The following CCDC60 variants were observed in gnomAD, a reference collection of about 807,000 sequenced individuals.
CCDC60 encodes coiled-coil domain-containing protein 60.
Under a neutral mutation model 63.5 loss-of-function variants are expected in CCDC60, and 54 were observed. That is an observed-to-expected ratio of 0.85 (90% CI 0.68 to 1.07). CCDC60 has a LOEUF of 1.07. Among genes scored for constraint, CCDC60 ranks in the 50% least tolerant of loss-of-function variants. CCDC60 has a pLI of 0.00. For missense variants in CCDC60, 651 were observed against 684.3 expected (o/e 0.95, Z 0.54); for synonymous variants, 206 against 238.8 (o/e 0.86, Z 1.27).
At chr12:119,499,440 G>A (rs1269144896) in intron 5 of CCDC60, among the ~76,000 whole-genome samples, 1 of 152,198 alleles carries the variant, frequency 6.6e-6, no homozygotes, top group Non-Finnish European at 1.5e-5. Context: ...TCGTTTCACT[G>A]TAAGTAAGTG....
chr12:119,359,839 C>G (rs981769344), intron 1 of CCDC60, among the ~76,000 whole-genome samples: 2 of 151,882 alleles, frequency 1.3e-5, no homozygotes, highest in Non-Finnish European at 2.9e-5. Flanking sequence ...TCAGAGAGCA[C>G]AGGGTTGGGG....
At chr12:119,509,135 C>T (rs1952138937) in intron 7 of CCDC60, among the ~76,000 whole-genome samples, 1 of 152,158 alleles carries the variant, frequency 6.6e-6, no homozygotes, top group African/African-American at 2.4e-5. Context: ...CTCCCTCAAA[C>T]CCTACCCTCT....
chr12:119,392,173 G>T (rs981481149), intron 1 of CCDC60, among the ~76,000 whole-genome samples: 1 of 152,104 alleles, frequency 6.6e-6, no homozygotes, highest in Non-Finnish European at 1.5e-5. Context: ...CAGTGTAGTG[G>T]TCCCAAGACC....
chr12:119,478,894 G>C (rs114200442), intron 3 of CCDC60, among the ~76,000 whole-genome samples, 200 bp from the exon 4 acceptor site: 3,380 of 151,788 alleles, frequency 0.022, 116 homozygotes, highest in African/African-American at 0.075. Flanking sequence ...CATGAGCCAC[G>C]GCACCCGACC....
intron 7 of CCDC60, among the ~76,000 whole-genome samples, chr12:119,507,065 C>A (rs1952025446): frequency 6.6e-6 from 1 of 152,102 alleles, no homozygotes; most frequent in Admixed American, 6.5e-5. Flanking sequence ...ACACTGGCGG[C>A]CAGTGTTCTC....
At chr12:119,460,491 C>G (rs377120825) in intron 2 of CCDC60, among the ~76,000 whole-genome samples, 1 of 152,128 alleles carries the variant, frequency 6.6e-6, no homozygotes, top group South Asian at 2.1e-4. Flanking sequence ...GATGATGCAC[C>G]AGTCAGCTAT....
chr12:119,540,686 C>T lies in CCDC60; in HGVS notation c.1624C>T (p.Pro542Ser). ...ISWLQSRINI[P>S]IGPYSALR ...CTGGCTGCAGAGCCGGATCAACATACCCATTGGGCCCTACAGCGCCCTGAG... is the reference window on the plus strand; with the variant it reads ...CTGGCTGCAGAGCCGGATCAACATATCCATTGGGCCCTACAGCGCCCTGAG... Residue 542 changes from proline (P) to serine (S), a missense_variant, in exon 14 of 14, where the codon CCC becomes TCC. Pro to Ser is a moderately conservative substitution (Grantham distance 74, BLOSUM62 -1). Transcript: ENST00000327554. The T allele has an allele frequency of 6.2e-7, 1 of 1,613,830 alleles. No homozygotes were observed. Among genetic ancestry groups the T allele is most frequent in the Non-Finnish European group, 8.5e-7 (1 of 1,179,926 alleles).
intron 1 of CCDC60, among the ~76,000 whole-genome samples, chr12:119,373,196 G>T (rs1265497455): frequency 6.6e-6 from 1 of 152,146 alleles, no homozygotes; most frequent in Non-Finnish European, 1.5e-5. Flanking sequence ...TCAACTTCCT[G>T]ATGCTAAATG....
chr12:119,516,029 A>C (rs905597158), intron 7 of CCDC60, among the ~76,000 whole-genome samples: 2 of 152,172 alleles, frequency 1.3e-5, no homozygotes, highest in Admixed American at 6.6e-5. Context: ...AATGGGGGAT[A>C]AAAAGAGAAG....
At chr12:119,340,994 G>A (rs1955526465) in intron 1 of CCDC60, among the ~76,000 whole-genome samples, 1 of 152,228 alleles carries the variant, frequency 6.6e-6, no homozygotes, top group Non-Finnish European at 1.5e-5. Flanking sequence ...AGAGAAATGA[G>A]GGAGAAGGGA....
chr12:119,351,211 C>G (rs184947690), intron 1 of CCDC60, among the ~76,000 whole-genome samples: 282 of 152,310 alleles, frequency 1.9e-3, no homozygotes, highest in African/African-American at 6.4e-3. Flanking sequence ...GTGCCTCTCT[C>G]CCTTTCCACT....
intron 2 of CCDC60, among the ~76,000 whole-genome samples, chr12:119,455,755 G>A (rs1340417255): frequency 1.4e-5 from 2 of 138,200 alleles, no homozygotes; most frequent in African/African-American, 5.4e-5. Context: ...AGGAAAGAAA[G>A]AAAAGAAAAG....
At chr12:119,344,714 A>G (rs1273947816) in intron 1 of CCDC60, among the ~76,000 whole-genome samples, 4 of 152,222 alleles carry the variant, frequency 2.6e-5, no homozygotes, top group Non-Finnish European at 5.9e-5. Context: ...GATCTGGCCC[A>G]TGGCAGGTTC....
In CCDC60 at chr12:119,386,815, A is replaced by G. The variant is rs78211664; in HGVS notation, c.91-41868A>G. 4.3e-3 allele frequency among the ~76,000 whole-genome samples: 649 copies of G among 152,298 alleles called. 3 individuals are homozygous for G. The highest frequency in any genetic ancestry group is 0.014 in the African/African-American group (586 of 41,564). On this transcript the variant is annotated intron_variant, in intron 1 of 13. Transcript: ENST00000327554. ...AACAGTCCGTGCCTACAACTCAGTC[A>G]TTACCAACCGAGCATTGCGAGGAAG...
chr12:119,531,563 T>A (rs1174979587), intron 13 of CCDC60, among the ~76,000 whole-genome samples: 2 of 152,038 alleles, frequency 1.3e-5, no homozygotes, highest in Non-Finnish European at 2.9e-5. Flanking sequence ...ACCAGAATCA[T>A]GAGAAGACGG....
chr12:119,499,662 A>T (rs1225084045), intron 5 of CCDC60, among the ~76,000 whole-genome samples: 7 of 152,108 alleles, frequency 4.6e-5, no homozygotes, highest in African/African-American at 1.4e-4. Context: ...ACCCAGTAAT[A>T]TTCTCTGTGT....
intron 1 of CCDC60, among the ~76,000 whole-genome samples, chr12:119,403,553 A>G (rs1956432666): frequency 6.6e-6 from 1 of 152,124 alleles, no homozygotes; most frequent in African/African-American, 2.4e-5. Flanking sequence ...TCCCAATCAC[A>G]GTGGCCTGGG....
intron 4 of CCDC60, among the ~76,000 whole-genome samples, chr12:119,480,821 CCAT>C (rs199825802): frequency 0.041 from 5,672 of 139,502 alleles, 369 homozygotes; most frequent in African/African-American, 0.14. Flanking sequence ...ATCCTCACCA[CCAT>C]CATCACCACC....
At chr12:119,482,510 G>T (rs1951350711) in intron 4 of CCDC60, among the ~76,000 whole-genome samples, 1 of 152,128 alleles carries the variant, frequency 6.6e-6, no homozygotes, top group Non-Finnish European at 1.5e-5. Context: ...AATGGATGTG[G>T]CTATGTTCCA....
Sources: allele counts gnomAD v4.1 joint callset (sites outside exome capture counted in the v4.1 genomes callset), GRCh38; gene constraint gnomAD v4.1.1; transcripts MANE v1.5; gene names NCBI Gene and HGNC (gene_info 2026-07-23, HGNC 2026-07-21).